Variants in TFCP2 observed in about 807,000 individuals in gnomAD.
TFCP2 encodes transcription factor CP2.
In TFCP2, 33 loss-of-function variants were observed where a neutral mutation model predicts 73.4. The observed-to-expected ratio is 0.45, with a 90% CI of 0.34 to 0.60. The LOEUF (loss-of-function observed/expected upper bound fraction) is 0.60. Ranked by LOEUF, TFCP2 falls within the 20% of genes least tolerant of loss-of-function variation. TFCP2 has a pLI of 0.01. For missense variants in TFCP2, 352 were observed against 604.0 expected, an observed-to-expected ratio of 0.58 and a Z score of 4.37; for synonymous variants, 193 against 211.6, an observed-to-expected ratio of 0.91 and a Z score of 0.76.
intron 1 of TFCP2, among the ~76,000 whole-genome samples, chr12:51,147,714 C>T (rs1315288089): frequency 6.6e-6 from 1 of 152,032 alleles, no homozygotes; most frequent in African/African-American, 2.4e-5. Context: ...TGGAAAAAAC[C>T]CTTCTAGACA....
chr12:51,113,539 G>GA (rs946248357), intron 4 of TFCP2, among the ~76,000 whole-genome samples: 1 of 152,086 alleles, frequency 6.6e-6, no homozygotes, highest in Non-Finnish European at 1.5e-5. Context: ...GCATGCTGGG[G>GA]AAAAAAGTCT....
chr12:51,153,592 T>C (rs1232876462), intron 1 of TFCP2, among the ~76,000 whole-genome samples: 1 of 152,126 alleles, frequency 6.6e-6, no homozygotes, highest in Non-Finnish European at 1.5e-5. Context: ...TAACCACTAT[T>C]CAACATTCTA....
intron 1 of TFCP2, among the ~76,000 whole-genome samples, chr12:51,153,841 G>C (rs1013686262): frequency 3.3e-5 from 5 of 152,160 alleles, no homozygotes; most frequent in African/African-American, 9.6e-5. Context: ...GTTAAACATG[G>C]GTGTACAAAT....
intron 1 of TFCP2, among the ~76,000 whole-genome samples, chr12:51,166,393 G>A (rs1941759233): frequency 6.6e-6 from 1 of 151,622 alleles, no homozygotes; most frequent in Admixed American, 6.6e-5. Flanking sequence ...GCATGACCCT[G>A]CCTCAAAAGA....
chr12:51,125,136 CGCAGTG>C, intron 1 of TFCP2: 1 of 742,150 alleles, frequency 1.3e-6, no homozygotes, highest in South Asian at 1.4e-5. Context: ...GAAGATGATG[CGCAGTG>C]TGATATTGAC....
At chr12:51,104,092 A>G in intron 9 of TFCP2, 63 bp downstream of exon 9, 1 of 1,507,704 alleles carries the variant, frequency 6.6e-7, no homozygotes, top group South Asian at 1.1e-5. Context: ...TTTCTACTGA[A>G]TTGGACAGTC....
chr12:51,108,002 G>C (rs1008044794), intron 6 of TFCP2, among the ~76,000 whole-genome samples: 1 of 151,474 alleles, frequency 6.6e-6, no homozygotes, highest in African/African-American at 2.4e-5. Context: ...GGAACTAGAA[G>C]AGCTGGGCGC....
intron 1 of TFCP2, among the ~76,000 whole-genome samples, chr12:51,159,531 G>A (rs1592838907): frequency 6.6e-6 from 1 of 151,834 alleles, no homozygotes; most frequent in African/African-American, 2.4e-5. Flanking sequence ...TAGAGACGGG[G>A]TTTCACCACA....
intron 7 of TFCP2, 165 bp from the exon 8 acceptor site, chr12:51,106,778 T>C: frequency 3.3e-6 from 2 of 613,390 alleles, no homozygotes; most frequent in Non-Finnish European, 2.8e-6. Flanking sequence ...TCTTGGAGCC[T>C]GTGGGGAGGC....
chr12:51,130,815 C>T (rs963184478), intron 1 of TFCP2, among the ~76,000 whole-genome samples: 1 of 151,956 alleles, frequency 6.6e-6, no homozygotes, highest in Non-Finnish European at 1.5e-5. Context: ...GGCAAAACCC[C>T]ATCTCTACTG....
At chr12:51,151,597 C>T (rs1279459274) in intron 1 of TFCP2, among the ~76,000 whole-genome samples, 8 of 152,062 alleles carry the variant, frequency 5.3e-5, no homozygotes, top group Admixed American at 6.5e-5. Context: ...CCACCACGCC[C>T]GGCTAATTTT....
At chr12:51,142,790 T>C (rs1941219813) in intron 1 of TFCP2, among the ~76,000 whole-genome samples, 1 of 152,152 alleles carries the variant, frequency 6.6e-6, no homozygotes, top group Admixed American at 6.5e-5. Flanking sequence ...AGAATCTCTA[T>C]TTCCTCACTT....
At chr12:51,158,325 A>T (rs1264812278) in intron 1 of TFCP2, among the ~76,000 whole-genome samples, 1 of 151,810 alleles carries the variant, frequency 6.6e-6, no homozygotes, top group Non-Finnish European at 1.5e-5. Context: ...TTATAATCTT[A>T]TAGGACCACT....
At chr12:51,126,989 C>A (rs1310896286) in intron 1 of TFCP2, among the ~76,000 whole-genome samples, 1 of 152,182 alleles carries the variant, frequency 6.6e-6, no homozygotes, top group Non-Finnish European at 1.5e-5. Flanking sequence ...AGTGATGATA[C>A]AAGATTTCTG....
At chr12:51,117,962 C>T (rs55938119) in intron 2 of TFCP2, among the ~76,000 whole-genome samples, 11 of 151,988 alleles carry the variant, frequency 7.2e-5, no homozygotes, top group African/African-American at 2.4e-4. Flanking sequence ...TATTATCAAT[C>T]CCATTTTACA....
intron 9 of TFCP2, 171 bp downstream of exon 9, chr12:51,103,984 C>G: frequency 1.3e-6 from 1 of 760,238 alleles, no homozygotes; most frequent in Admixed American, 2.3e-5. Flanking sequence ...TTACTTGTTT[C>G]ATATCTTTAG....
At chr12:51,128,093 T>C (rs1197350820) in intron 1 of TFCP2, among the ~76,000 whole-genome samples, 1 of 151,870 alleles carries the variant, frequency 6.6e-6, no homozygotes, top group Non-Finnish European at 1.5e-5. Flanking sequence ...CTAATTTTTG[T>C]ATTTTAGTAG....
intron 1 of TFCP2, among the ~76,000 whole-genome samples, chr12:51,140,800 AATCGC>A (rs1941175568): frequency 6.6e-6 from 1 of 151,872 alleles, no homozygotes; most frequent in Non-Finnish European, 1.5e-5. Flanking sequence ...TCATACCTGT[AATCGC>A]AGCATTTTGG....
chr12:51,101,835 G>C, intron 11 of TFCP2, 100 bp downstream of exon 11: 1 of 663,812 alleles, frequency 1.5e-6, no homozygotes. Flanking sequence ...CAAATGTTTT[G>C]AGAAGGTGTA....
Sources: allele counts gnomAD v4.1 joint callset (sites outside exome capture counted in the v4.1 genomes callset), GRCh38; gene constraint gnomAD v4.1.1; transcripts MANE v1.5; gene names NCBI Gene and HGNC (gene_info 2026-07-23, HGNC 2026-07-21).